ADGRL3: variants seen among roughly 807,000 people sequenced by gnomAD.
ADGRL3 encodes the protein calcium-independent alpha-latrotoxin receptor 3.
A neutral mutation model predicts 153.5 loss-of-function variants in ADGRL3; 62 were observed. That is an observed-to-expected ratio of 0.40 (90% confidence interval 0.33 to 0.50). The LOEUF (loss-of-function observed/expected upper bound fraction) is 0.50. Among genes scored for constraint, ADGRL3 ranks in the 20% least tolerant of loss-of-function variants. The pLI is 0.47. For missense variants in ADGRL3, 1,641 were observed against 1,859.4 expected (o/e 0.88, Z 2.16); for synonymous variants, 710 against 672.5 (o/e 1.06, Z -0.86).
intron 17 of ADGRL3, among the ~76,000 whole-genome samples, chr4:61,955,485 A>G (rs2098962648): frequency 6.6e-6 from 1 of 152,204 alleles, no homozygotes; most frequent in Admixed American, 6.6e-5. Flanking sequence ...CATGACAGTT[A>G]AACACAAAAA....
chr4:61,225,334 G>A lies in ADGRL3; in HGVS notation c.-240+23569G>A, dbSNP rs1354815738. ...CAAACCTTTCTTCCTTGAATTGATG[G>A]CCCCACAGTTAAAGGGCTATGTAAA... On this transcript the variant is annotated intron_variant, in intron 1 of 26. Coordinates refer to ENST00000683033, the MANE Select transcript of ADGRL3 (RefSeq NM_001387552.1). 2.0e-5 allele frequency among the ~76,000 whole-genome samples: 3 copies of A among 152,036 alleles called. 1 individual carries two copies. The highest frequency in any genetic ancestry group is 2.0e-4 in the Admixed American group (3 of 15,250).
chr4:61,997,354 G>A (rs1385960861), intron 20 of ADGRL3, among the ~76,000 whole-genome samples: 2 of 151,430 alleles, frequency 1.3e-5, no homozygotes, highest in Admixed American at 6.6e-5. Context: ...TTCATGTTAG[G>A]CTTTTTGGCC....
At chr4:61,687,968 C>A (rs894299434) in intron 6 of ADGRL3, among the ~76,000 whole-genome samples, 7 of 152,016 alleles carry the variant, frequency 4.6e-5, no homozygotes, top group African/African-American at 7.2e-5. Context: ...AATGCCCACA[C>A]CCTCATGATA....
rs548531286 is a variant in ADGRL3 at position 62,046,945 on chromosome 4, TCC to T, written c.3814+2398_3814+2399del. Among the ~76,000 whole-genome samples, 14 of 152,050 alleles carry T rather than the reference TCC, an allele frequency of 9.2e-5. No individual in the cohort carries two copies. In the East Asian group the frequency reaches 2.7e-3, roughly 29 times the overall value. On this transcript the variant is annotated intron_variant, in intron 25 of 26. Transcript: ENST00000683033. Reference sequence around the variant, plus strand: ...TGTCTTATTTCCCAGGGTCTTATCTTCCCTGCATTCAGGCGTGTGTATCATAT... The same window carrying T: ...TGTCTTATTTCCCAGGGTCTTATCTTCTGCATTCAGGCGTGTGTATCATAT...
chr4:61,699,770 T>TATAGGAATAG (rs1433287108), intron 6 of ADGRL3, among the ~76,000 whole-genome samples: 1 of 152,214 alleles, frequency 6.6e-6, no homozygotes, highest in Non-Finnish European at 1.5e-5. Flanking sequence ...CATGCAATTG[T>TATAGGAATAG]ATAGGAATAG....
chr4:61,773,952 T>C (rs1466043700), intron 8 of ADGRL3, among the ~76,000 whole-genome samples: 2 of 152,194 alleles, frequency 1.3e-5, no homozygotes, highest in Non-Finnish European at 2.9e-5. Flanking sequence ...TAATGGAACA[T>C]GAGAGCTACA....
At chr4:61,787,467 T>C (rs1277809575) in intron 8 of ADGRL3, among the ~76,000 whole-genome samples, 1 of 152,102 alleles carries the variant, frequency 6.6e-6, no homozygotes, top group Non-Finnish European at 1.5e-5. Context: ...TATTATTGTA[T>C]GTTCTTTACA....
chr4:61,332,332 T>A (rs1013121865), intron 1 of ADGRL3, among the ~76,000 whole-genome samples: 3 of 152,132 alleles, frequency 2.0e-5, no homozygotes, highest in African/African-American at 7.2e-5. Flanking sequence ...TAGTTAAGTG[T>A]TCTGAGTGAA....
chr4:61,643,879 T>C (rs2150233006), intron 5 of ADGRL3, among the ~76,000 whole-genome samples: 1 of 148,406 alleles, frequency 6.7e-6, no homozygotes, highest in Middle Eastern at 3.4e-3. Flanking sequence ...AGTTCCTCCT[T>C]TTACCTCTGG....
chr4:61,846,899 CTCA>C (rs2098122955), intron 9 of ADGRL3, among the ~76,000 whole-genome samples: 2 of 151,294 alleles, frequency 1.3e-5, no homozygotes, highest in South Asian at 2.1e-4. Flanking sequence ...CTCATAAGAA[CTCA>C]TCATCACAAC....
chr4:61,262,688 A>G (rs981083874), intron 1 of ADGRL3, among the ~76,000 whole-genome samples: 6 of 152,062 alleles, frequency 3.9e-5, no homozygotes, highest in African/African-American at 1.4e-4. Flanking sequence ...TAACAGAAAA[A>G]AGAAAAAGAA....
At chr4:61,949,913 G>A (rs2098940650) in intron 17 of ADGRL3, among the ~76,000 whole-genome samples, 1 of 152,046 alleles carries the variant, frequency 6.6e-6, no homozygotes, top group African/African-American at 2.4e-5. Flanking sequence ...AGTTTTCACA[G>A]CATTTTATAT....
At chr4:61,736,205 A>G (rs1561147375) in intron 8 of ADGRL3, among the ~76,000 whole-genome samples, 2 of 152,236 alleles carry the variant, frequency 1.3e-5, no homozygotes, top group African/African-American at 2.4e-5. Context: ...ATGTACATAC[A>G]TATGGGGGGG....
chr4:61,204,542 G>A (rs2148729627), intron 1 of ADGRL3, among the ~76,000 whole-genome samples: 1 of 152,286 alleles, frequency 6.6e-6, no homozygotes, highest in South Asian at 2.1e-4. Context: ...AGGTCCTGAT[G>A]TCATTAGAAC....
At chr4:61,707,633 A>G (rs189494442) in intron 6 of ADGRL3, among the ~76,000 whole-genome samples, 1 of 152,188 alleles carries the variant, frequency 6.6e-6, no homozygotes, top group African/African-American at 2.4e-5. Context: ...TTTTCTAATC[A>G]GACCTTAGAA....
At chr4:61,278,971 G>A (rs1329643505) in intron 1 of ADGRL3, among the ~76,000 whole-genome samples, 1 of 152,172 alleles carries the variant, frequency 6.6e-6, no homozygotes, top group African/African-American at 2.4e-5. Flanking sequence ...TTCATGTTGA[G>A]CAAAACTCCT....
intron 6 of ADGRL3, among the ~76,000 whole-genome samples, chr4:61,692,588 A>G (rs374576178): frequency 8.6e-5 from 13 of 151,814 alleles, no homozygotes; most frequent in African/African-American, 2.9e-4. Flanking sequence ...GTTTACAGGC[A>G]CCTGCCCCCC....
chr4:61,220,411 T>C (rs1318473886), intron 1 of ADGRL3, among the ~76,000 whole-genome samples: 2 of 152,198 alleles, frequency 1.3e-5, no homozygotes, highest in East Asian at 1.9e-4. Context: ...ACATAGCAGC[T>C]ATGTGACTTT....
intron 4 of ADGRL3, among the ~76,000 whole-genome samples, chr4:61,558,757 A>G (rs1024808260): frequency 2.6e-5 from 4 of 151,902 alleles, no homozygotes; most frequent in Non-Finnish European, 5.9e-5. Context: ...TCGTTATTCA[A>G]GTTTTTTCTG....
Sources: allele counts gnomAD v4.1 joint callset (sites outside exome capture counted in the v4.1 genomes callset), GRCh38; gene constraint gnomAD v4.1.1; transcripts MANE v1.5; gene names NCBI Gene and HGNC (gene_info 2026-07-23, HGNC 2026-07-21).